The following NXPH1 variants were observed in gnomAD, a reference collection of about 807,000 sequenced individuals.
The protein encoded by NXPH1 is neurexophilin 1.
In NXPH1, 5 loss-of-function variants were observed where a neutral mutation model predicts 23.7. That is an observed-to-expected ratio of 0.21 (90% CI 0.11 to 0.44). NXPH1 has a LOEUF of 0.44. Ranked by LOEUF, NXPH1 falls within the 20% of genes least tolerant of loss-of-function variation. NXPH1 has a pLI of 0.99. For missense variants in NXPH1, 324 were observed against 321.6 expected (o/e 1.01, Z -0.06); for synonymous variants, 144 against 122.2 (o/e 1.18, Z -1.18).
chr7:8,499,617 T>C (rs1006969758), intron 2 of NXPH1, among the ~76,000 whole-genome samples: 2 of 151,986 alleles, frequency 1.3e-5, no homozygotes, highest in African/African-American at 2.4e-5. Context: ...ACCTCCCAGG[T>C]TCCACACAGA....
At position 8,490,104 on chromosome 7, in the gene NXPH1, C is replaced by G. The variant is rs139730268; in HGVS notation, c.54+54337C>G. On this transcript the variant is annotated intron_variant, in intron 2 of 2. Transcript: ENST00000405863. ...ACTTAGTCTGGCTCTTTGAAATATC[C>G]TCTCAAGGCATGTGCTTGATTTGTG... is the stretch of plus-strand genomic sequence containing the variant. Among the ~76,000 whole-genome samples, 41 of 152,110 alleles carry G rather than the reference C, an allele frequency of 2.7e-4. 2 individuals carry two copies. The East Asian group carries it at 8.0e-3, about 30-fold the overall frequency.
At chr7:8,546,987 A>G (rs889201895) in intron 2 of NXPH1, among the ~76,000 whole-genome samples, 1 of 151,426 alleles carries the variant, frequency 6.6e-6, no homozygotes, top group African/African-American at 2.4e-5. Context: ...TCATGTAATC[A>G]CTTGAAATGG....
chr7:8,470,374 T>C (rs1816853167), intron 2 of NXPH1, among the ~76,000 whole-genome samples: 1 of 152,148 alleles, frequency 6.6e-6, no homozygotes, highest in African/African-American at 2.4e-5. Context: ...AGACTAACAT[T>C]CTTGAAGACG....
At chr7:8,629,078 CAA>C (rs1161128325) in intron 2 of NXPH1, among the ~76,000 whole-genome samples, 1 of 151,734 alleles carries the variant, frequency 6.6e-6, no homozygotes, top group Non-Finnish European at 1.5e-5. Context: ...TTTTCGAATA[CAA>C]AAGATTCCAT....
At chr7:8,717,561 G>C (rs1473473572) in intron 2 of NXPH1, among the ~76,000 whole-genome samples, 1 of 152,086 alleles carries the variant, frequency 6.6e-6, no homozygotes, top group Non-Finnish European at 1.5e-5. Flanking sequence ...TACCCTCTAA[G>C]TCCCTTTTCT....
intron 2 of NXPH1, among the ~76,000 whole-genome samples, chr7:8,572,975 A>C (rs1248062968): frequency 6.6e-6 from 1 of 152,050 alleles, no homozygotes; most frequent in African/African-American, 2.4e-5. Flanking sequence ...TAATACATGC[A>C]GGAATTTTGT....
At chr7:8,544,181 A>G (rs531863479) in intron 2 of NXPH1, among the ~76,000 whole-genome samples, 1 of 151,648 alleles carries the variant, frequency 6.6e-6, no homozygotes, top group East Asian at 1.9e-4. Context: ...GTGACTAAAA[A>G]CTTTATGTCA....
intron 2 of NXPH1, among the ~76,000 whole-genome samples, chr7:8,717,004 T>C (rs529947373): frequency 4.6e-5 from 7 of 152,344 alleles, no homozygotes; most frequent in African/African-American, 1.7e-4. Flanking sequence ...TCATGTTGTA[T>C]AGTTGTTAAC....
At chr7:8,494,426 T>C (rs1000268335) in intron 2 of NXPH1, among the ~76,000 whole-genome samples, 1 of 152,006 alleles carries the variant, frequency 6.6e-6, no homozygotes, top group Non-Finnish European at 1.5e-5. Flanking sequence ...AACTTAGTTT[T>C]TCTGCAACCT....
chr7:8,469,614 C>T (rs1816838401), intron 2 of NXPH1, among the ~76,000 whole-genome samples: 1 of 152,084 alleles, frequency 6.6e-6, no homozygotes, highest in South Asian at 2.1e-4. Flanking sequence ...AGATAACTTA[C>T]ATCTTATATT....
chr7:8,673,970 A>C (rs1486795297), intron 2 of NXPH1, among the ~76,000 whole-genome samples: 1 of 152,190 alleles, frequency 6.6e-6, no homozygotes, highest in African/African-American at 2.4e-5. Context: ...GAAGTTAAAG[A>C]TAGCTACAAT....
intron 2 of NXPH1, among the ~76,000 whole-genome samples, chr7:8,696,029 T>A (rs1040393130): frequency 1.3e-5 from 2 of 152,260 alleles, no homozygotes; most frequent in African/African-American, 4.8e-5. Flanking sequence ...TTTCAAGTTT[T>A]GTTTCATATT....
At chr7:8,684,967 T>C (rs1412219081) in intron 2 of NXPH1, among the ~76,000 whole-genome samples, 2 of 152,168 alleles carry the variant, frequency 1.3e-5, no homozygotes, top group Non-Finnish European at 2.9e-5. Context: ...TTGCACTGTA[T>C]AACTACATTA....
At chr7:8,494,915 G>T (rs74567260) in intron 2 of NXPH1, among the ~76,000 whole-genome samples, 13,125 of 152,010 alleles carry the variant, frequency 0.086, 731 homozygotes, top group Non-Finnish European at 0.13. Context: ...CATCCTGATT[G>T]TACTCCCACT....
At chr7:8,505,044 C>T (rs1183978183) in intron 2 of NXPH1, among the ~76,000 whole-genome samples, 2 of 152,056 alleles carry the variant, frequency 1.3e-5, no homozygotes, top group East Asian at 3.9e-4. Context: ...GGGACATTCA[C>T]TACCATGGTA....
intron 2 of NXPH1, among the ~76,000 whole-genome samples, chr7:8,487,410 G>T (rs1004518768): frequency 6.6e-6 from 1 of 152,108 alleles, no homozygotes; most frequent in Admixed American, 6.6e-5. Flanking sequence ...ATGTGACTTT[G>T]CTCCTCATTT....
chr7:8,514,533 G>C (rs1159175928), intron 2 of NXPH1, among the ~76,000 whole-genome samples: 3 of 152,100 alleles, frequency 2.0e-5, no homozygotes, highest in Non-Finnish European at 4.4e-5. Context: ...TCCATTCCCT[G>C]ATGCTACCTC....
intron 2 of NXPH1, among the ~76,000 whole-genome samples, chr7:8,607,468 G>A (rs1819520178): frequency 1.3e-5 from 2 of 152,146 alleles, no homozygotes; most frequent in African/African-American, 2.4e-5. Context: ...AGTTGATCAT[G>A]TTATCAGTAT....
At chr7:8,611,131 A>G (rs1819610071) in intron 2 of NXPH1, among the ~76,000 whole-genome samples, 1 of 152,120 alleles carries the variant, frequency 6.6e-6, no homozygotes, top group African/African-American at 2.4e-5. Context: ...CATTGTACAT[A>G]TTTATGTGAT....
Sources: allele counts gnomAD v4.1 joint callset (sites outside exome capture counted in the v4.1 genomes callset), GRCh38; gene constraint gnomAD v4.1.1; transcripts MANE v1.5; gene names NCBI Gene and HGNC (gene_info 2026-07-23, HGNC 2026-07-21).